NCOA3: variants seen among roughly 807,000 people sequenced by gnomAD.
NCOA3 encodes the protein CBP-interacting protein.
A neutral mutation model predicts 158.8 loss-of-function variants in NCOA3; 51 were observed. That is an observed-to-expected ratio of 0.32 (90% CI 0.26 to 0.41). The LOEUF is 0.41. NCOA3 is among the 10% of genes least tolerant of loss of function. NCOA3 has a pLI of 1.00. For missense variants in NCOA3, 1,510 were observed against 1,746.6 expected (o/e 0.86, Z 2.41); for synonymous variants, 537 against 592.4 (o/e 0.91, Z 1.36).
At chr20:47,536,920 C>T (rs1028097472) in intron 1 of NCOA3, among the ~76,000 whole-genome samples, 11 of 151,572 alleles carry the variant, frequency 7.3e-5, no homozygotes, top group Non-Finnish European at 1.3e-4. Context: ...TCTCCTGCCT[C>T]AGCCTCCTGA....
chr20:47,639,475 G>C, intron 14 of NCOA3, 102 bp from the exon 15 acceptor site: 4 of 1,459,142 alleles, frequency 2.7e-6, no homozygotes, highest in Non-Finnish European at 3.7e-6. Flanking sequence ...ACAAAGTGCT[G>C]TTTTGTCAAG....
intron 1 of NCOA3, among the ~76,000 whole-genome samples, chr20:47,535,434 CTG>C (rs1481130364): frequency 6.6e-6 from 1 of 152,158 alleles, no homozygotes; most frequent in Non-Finnish European, 1.5e-5. Context: ...AGAGGGCTCT[CTG>C]TATCCCAGGT....
chr20:47,656,198 T>C lies in NCOA3; in HGVS notation c.*2781T>C, dbSNP rs1481572684. ...ATATATTTTATAAAGATCAGAATGA[T>C]ATAAAGGAGATACATGTTTCTTCCT... On this transcript the variant is annotated 3_prime_UTR_variant, in exon 23 of 23. Transcript: ENST00000371998. The C allele has an allele frequency of 6.6e-6, 1 of 150,752 alleles. No individual in the cohort carries two copies. Among genetic ancestry groups the C allele is most frequent in the Non-Finnish European group, 1.5e-5 (1 of 67,760 alleles). The allele number at this position is 150,752 out of a possible 1,614,324, so 9.3% of individuals were successfully genotyped here.
chr20:47,517,956 G>A (rs1448727961), intron 1 of NCOA3, among the ~76,000 whole-genome samples: 1 of 152,134 alleles, frequency 6.6e-6, no homozygotes, highest in African/African-American at 2.4e-5. Flanking sequence ...GGACAACTCT[G>A]TGAGGGAGAC....
Position 47,639,809 on chromosome 20 carries a change from G to T in NCOA3, c.2940G>T (p.Gln980His), listed in dbSNP as rs1040152054. The change falls in exon 15 of 23, where the codon CAG becomes CAT. Residue 980 changes from glutamine to histidine, a missense_variant. Physicochemically the swap from Gln to His is conservative, Grantham distance 24. Around this residue, in one of 4 missense-constraint regions of NCOA3, gnomAD observed 1,017 missense variants for 1,098.3 expected, o/e 0.93. Coordinates refer to ENST00000371998, the MANE Select transcript of NCOA3 (RefSeq NM_181659.3). ...GARPVLQQQQ[Q>H]MLQMRPGEIP... ...GACCAGTATTGCAACAGCAGCAGCA[G>T]ATGCTTCAAATGAGTAAGTGTCCAC... 6.2e-7 allele frequency: 1 copy of T among 1,614,164 alleles called. No homozygotes were observed. The highest frequency in any genetic ancestry group is 1.3e-5 in the African/African-American group (1 of 75,050).
intron 1 of NCOA3, among the ~76,000 whole-genome samples, chr20:47,554,192 G>A (rs1246764093): frequency 6.6e-6 from 1 of 152,150 alleles, no homozygotes; most frequent in Non-Finnish European, 1.5e-5. Flanking sequence ...CTGCATAAAT[G>A]TCTTCTTTTG....
intron 18 of NCOA3, among the ~76,000 whole-genome samples, chr20:47,647,914 G>GTTT (rs1445300112): frequency 6.3e-5 from 8 of 126,038 alleles, no homozygotes; most frequent in Admixed American, 7.8e-5. Flanking sequence ...TGTTTGTTTT[G>GTTT]TTTTGTTTTT....
intron 1 of NCOA3, among the ~76,000 whole-genome samples, chr20:47,525,521 C>T (rs1242102359): frequency 4.8e-5 from 7 of 146,696 alleles, no homozygotes; most frequent in African/African-American, 1.0e-4. Context: ...CGGGCAGAGG[C>T]GCCCCTCACC....
intron 1 of NCOA3, among the ~76,000 whole-genome samples, chr20:47,568,268 A>G (rs2146195853): frequency 6.6e-6 from 1 of 152,332 alleles, no homozygotes; most frequent in African/African-American, 2.4e-5. Context: ...GACCGTGGCA[A>G]GAAGCTAGGC....
intron 1 of NCOA3, among the ~76,000 whole-genome samples, chr20:47,544,149 A>G (rs964658309): frequency 2.0e-5 from 3 of 151,918 alleles, no homozygotes; most frequent in African/African-American, 7.2e-5. Flanking sequence ...GATATTGTCA[A>G]ATTTCCACTC....
At chr20:47,598,246 CAAAAA>C (rs71183268) in intron 2 of NCOA3, among the ~76,000 whole-genome samples, 9 of 84,520 alleles carry the variant, frequency 1.1e-4, no homozygotes, top group Non-Finnish European at 1.8e-4. Context: ...GACTCTGTCT[CAAAAA>C]AAAAAAAAAA....
chr20:47,557,608 C>T (rs1482210529), intron 1 of NCOA3, among the ~76,000 whole-genome samples: 1 of 152,026 alleles, frequency 6.6e-6, no homozygotes, highest in East Asian at 1.9e-4. Flanking sequence ...ACATATTTTC[C>T]TTCAAATTAA....
intron 1 of NCOA3, among the ~76,000 whole-genome samples, chr20:47,509,798 CT>C (rs1249099179): frequency 2.0e-5 from 3 of 152,174 alleles, no homozygotes; most frequent in South Asian, 4.1e-4. Context: ...TTACTCAGTA[CT>C]GTTTATCAAA....
intron 1 of NCOA3, among the ~76,000 whole-genome samples, chr20:47,572,616 G>A (rs902715364): frequency 3.3e-5 from 5 of 151,624 alleles, no homozygotes; most frequent in Admixed American, 1.3e-4. Flanking sequence ...AGCTCACTGC[G>A]ACTTCCACCT....
intron 1 of NCOA3, among the ~76,000 whole-genome samples, chr20:47,512,876 G>A (rs1397007441): frequency 1.3e-5 from 2 of 152,110 alleles, no homozygotes; most frequent in Non-Finnish European, 2.9e-5. Flanking sequence ...TGTAAATATT[G>A]GCTGGGTGCA....
intron 1 of NCOA3, among the ~76,000 whole-genome samples, chr20:47,569,490 GC>G (rs1391864653): frequency 6.6e-6 from 1 of 151,794 alleles, no homozygotes; most frequent in Non-Finnish European, 1.5e-5. Flanking sequence ...GACCAGCCTG[GC>G]TAACATGGTG....
intron 2 of NCOA3, among the ~76,000 whole-genome samples, chr20:47,620,762 T>C (rs148490520): frequency 9.8e-5 from 15 of 152,352 alleles, no homozygotes; most frequent in African/African-American, 3.6e-4. Flanking sequence ...CAACATACTT[T>C]TATGTCTATT....
intron 1 of NCOA3, among the ~76,000 whole-genome samples, chr20:47,536,057 C>T (rs1433589532): frequency 2.0e-5 from 3 of 152,140 alleles, no homozygotes; most frequent in Non-Finnish European, 4.4e-5. Flanking sequence ...TGTGTGTCTG[C>T]TTAAGGTCCT....
chr20:47,546,743 C>CTGGTCT (rs1181309270), intron 1 of NCOA3, among the ~76,000 whole-genome samples: 2 of 152,032 alleles, frequency 1.3e-5, no homozygotes, highest in Non-Finnish European at 2.9e-5. Flanking sequence ...GTTGGTCAGG[C>CTGGTCT]TGGTCTTGAA....
Sources: allele counts gnomAD v4.1 joint callset (sites outside exome capture counted in the v4.1 genomes callset), GRCh38; gene constraint gnomAD v4.1.1; regional missense constraint gnomAD v4.1.1; transcripts MANE v1.5; gene names NCBI Gene and HGNC (gene_info 2026-07-23, HGNC 2026-07-21).